The following MTARC1 variants were observed in gnomAD, a reference collection of about 807,000 sequenced individuals.
MTARC1 encodes the protein mitochondrial amidoxime-reducing component 1.
A neutral mutation model predicts 33.6 loss-of-function variants in MTARC1; 24 were observed. The observed-to-expected ratio is 0.72, with a 90% CI of 0.52 to 1.01. The LOEUF is 1.01. Among genes scored for constraint, MTARC1 ranks in the 50% least tolerant of loss-of-function variants. The pLI, the probability that MTARC1 is intolerant of heterozygous loss-of-function variation, is 0.00. For missense variants in MTARC1, 417 were observed against 445.7 expected, an observed-to-expected ratio of 0.94 and a Z score of 0.58; for synonymous variants, 187 against 189.5, an observed-to-expected ratio of 0.99 and a Z score of 0.11.
chr1:220,796,359 A>G (rs1571667869), intron 2 of MTARC1, among the ~76,000 whole-genome samples: 2 of 152,288 alleles, frequency 1.3e-5, no homozygotes, highest in East Asian at 3.9e-4. Context: ...TTTTAAATAT[A>G]TTATTTCATT....
At chr1:220,801,858 C>A (rs1397120395) in intron 4 of MTARC1, among the ~76,000 whole-genome samples, 1 of 152,088 alleles carries the variant, frequency 6.6e-6, no homozygotes, top group South Asian at 2.1e-4. Flanking sequence ...CTCCTCATCT[C>A]GGAAGCTACC....
chr1:220,808,847 T>C, intron 6 of MTARC1: 1 of 471,080 alleles, frequency 2.1e-6, no homozygotes, highest in Non-Finnish European at 4.4e-6. Flanking sequence ...AATTTTTCTT[T>C]TCTTTCTTAA....
chr1:220,807,424 A>T (rs1049805824), intron 6 of MTARC1, among the ~76,000 whole-genome samples: 1 of 152,150 alleles, frequency 6.6e-6, no homozygotes, highest in Non-Finnish European at 1.5e-5. Flanking sequence ...TTCTACTAAA[A>T]ATACAAAACT....
Position 220,805,292 on chromosome 1 carries a change from G to T in MTARC1, c.887+18G>T. 1 of 1,612,292 alleles carries T rather than the reference G, an allele frequency of 6.2e-7. No individual in the cohort carries two copies. The highest frequency in any genetic ancestry group is 1.1e-5 in the South Asian group (1 of 90,992). ...CTGAAGAGGTAGGACTGGGCAGACG[G>T]GGCTCATCCTCGGGTTTAGGTGCCG... is the stretch of plus-strand genomic sequence containing the variant. On this transcript the variant is annotated intron_variant, in intron 6 of 6. Coordinates refer to ENST00000366910, the MANE Select transcript of MTARC1 (RefSeq NM_022746.4).
rs1673289114 is a variant in MTARC1, at chr1:220,816,724, C to G, written c.*3306C>G. On this transcript the variant is annotated 3_prime_UTR_variant, in exon 7 of 7. Transcript: ENST00000366910. ...GGAAGACTGAAGAAGTTAAAAGTTC[C>G]CGCCAAGTGAAGGAGACCTATCTTG... 1 of 152,120 alleles carries G rather than the reference C, an allele frequency of 6.6e-6. No homozygotes were observed. The highest frequency in any genetic ancestry group is 1.5e-5 in the Non-Finnish European group (1 of 68,060). 9.4% of individuals were successfully genotyped at this position (152,120 alleles called of 1,614,324 possible).
chr1:220,800,104 A>G (rs1205999109), intron 4 of MTARC1, among the ~76,000 whole-genome samples: 1 of 152,134 alleles, frequency 6.6e-6, no homozygotes, highest in Non-Finnish European at 1.5e-5. Flanking sequence ...TGTGACAGTA[A>G]GATTCGGATG....
At chr1:220,807,562 G>C (rs1395066168) in intron 6 of MTARC1, among the ~76,000 whole-genome samples, 1 of 152,034 alleles carries the variant, frequency 6.6e-6, no homozygotes, top group Non-Finnish European at 1.5e-5. Flanking sequence ...CAATTTGGAT[G>C]ACAGAGTGAG....
intron 6 of MTARC1, among the ~76,000 whole-genome samples, chr1:220,806,877 T>C (rs1399390482): frequency 1.3e-5 from 2 of 151,986 alleles, no homozygotes; most frequent in South Asian, 4.1e-4. Context: ...ACAGGGTGGG[T>C]GGAGGGAATT....
At chr1:220,793,513 T>C (rs759292980) in intron 2 of MTARC1, 3 of 152,216 alleles carry the variant, frequency 2.0e-5, no homozygotes, top group Non-Finnish European at 4.4e-5. Context: ...AGGTTTCTTT[T>C]GACAGCCCAA....
intron 6 of MTARC1, among the ~76,000 whole-genome samples, chr1:220,813,023 G>T (rs1292139648): frequency 6.6e-6 from 1 of 152,178 alleles, no homozygotes; most frequent in Non-Finnish European, 1.5e-5. Context: ...ACCACACCTG[G>T]CCAAGTATCT....
At position 220,818,371 on chromosome 1, in the gene MTARC1, A is replaced by G. The variant is rs1357391894; in HGVS notation, c.*4953A>G. 8 of 152,198 alleles carry G rather than the reference A, an allele frequency of 5.3e-5. No individual in the cohort carries two copies. Among genetic ancestry groups the G allele is most frequent in the Admixed American group, 5.2e-4 (8 of 15,284 alleles). The allele number at this position is 152,198 out of a possible 1,614,324, so 9.4% of individuals were successfully genotyped here. A position where few individuals can be genotyped will look rare whatever the true frequency, so the allele number is the denominator to read the frequency against. On this transcript the variant is annotated 3_prime_UTR_variant, in exon 7 of 7. Coordinates refer to ENST00000366910, the MANE Select transcript of MTARC1 (RefSeq NM_022746.4). The stretch of plus-strand genomic sequence containing the variant: ...TCCTGGACAGGCTGTAGGTTGTGTA[A>G]AGTAACAAAAAGGACTGAGAAGTGA...
chr1:220,786,971 G>A lies in MTARC1; in HGVS notation c.27G>A (p.Leu9=), dbSNP rs1021064084. ...TGGGCGCCGCCGGCTCCTCCGCGCT[G>A]GCGCGCTTTGTCCTCCTCGCGCAAT... MGAAGSSA[L]ARFVLLAQSR... The change falls in exon 1 of 7, where the codon CTG becomes CTA. Residue 9 remains leucine, a synonymous_variant. Transcript: ENST00000366910. 5.6e-6 allele frequency: 7 copies of A among 1,252,636 alleles called. No individual in the cohort carries two copies. In the East Asian group the frequency reaches 1.3e-4, roughly 23 times the overall value. The allele number at this position is 1,252,636 out of a possible 1,614,324, so 77.6% of individuals were successfully genotyped here.
At chr1:220,813,172 G>A (rs969150442) in intron 6 of MTARC1, 120 bp from the exon 7 acceptor site, 51 of 1,363,648 alleles carry the variant, frequency 3.7e-5, no homozygotes, top group South Asian at 2.5e-5. Context: ...GTTGAGCTTT[G>A]ACGGGATGGT....
chr1:220,819,387 G>A lies in MTARC1; in HGVS notation c.*5969G>A, dbSNP rs146812433. On this transcript the variant is annotated 3_prime_UTR_variant, in exon 7 of 7. Coordinates refer to ENST00000366910, the MANE Select transcript of MTARC1 (RefSeq NM_022746.4). ...TGCAAGTCTATATTTTAAGGCAGTC[G>A]AAGTCCTAGAGAATATATCTGGAGC... is the stretch of plus-strand genomic sequence containing the variant. The A allele has an allele frequency of 6.6e-4, 100 of 152,282 alleles. 1 individual carries two copies. The highest frequency in any genetic ancestry group is 2.3e-3 in the African/African-American group (95 of 41,560). 9.4% of individuals were successfully genotyped at this position (152,282 alleles called of 1,614,324 possible). A position where few individuals can be genotyped will look rare whatever the true frequency, so the allele number is the denominator to read the frequency against.
intron 4 of MTARC1, 95 bp from the exon 5 acceptor site, chr1:220,804,957 A>T: frequency 7.6e-7 from 1 of 1,311,030 alleles, no homozygotes. Context: ...GATGTGGGTG[A>T]CATCGTTAGG....
chr1:220,798,288 G>A, intron 4 of MTARC1: 13 of 1,338,856 alleles, frequency 9.7e-6, no homozygotes, highest in Admixed American at 2.6e-5. Flanking sequence ...TCGTTGTTGA[G>A]TCACATTTTC....
At chr1:220,797,824 CT>C in intron 3 of MTARC1, 49 bp from the exon 4 acceptor site, 1 of 1,582,166 alleles carries the variant, frequency 6.3e-7, no homozygotes, top group Non-Finnish European at 8.7e-7. Context: ...CACCTAACCA[CT>C]GAAAAGTTGG....
At chr1:220,809,078 G>A in intron 6 of MTARC1, 1 of 384,016 alleles carries the variant, frequency 2.6e-6, no homozygotes, top group Non-Finnish European at 5.1e-6. Context: ...GCTAAACACA[G>A]AATATATAGC....
chr1:220,801,368 A>C, intron 4 of MTARC1, among the ~76,000 whole-genome samples: 1 of 148,748 alleles, frequency 6.7e-6, no homozygotes, highest in South Asian at 2.1e-4. Flanking sequence ...CACACACCCC[A>C]CCTAACAAGC....
Sources: gnomAD v4.1 joint callset for allele counts (sites outside exome capture counted in the v4.1 genomes callset) on GRCh38, gnomAD v4.1.1 for gene constraint, MANE v1.5 for transcripts, NCBI Gene and HGNC (gene_info 2026-07-23, HGNC 2026-07-21) for gene names.